Variants in NXPH1 observed in about 807,000 individuals in gnomAD.
The protein encoded by NXPH1 is neurexophilin 1, also known as neurexophilin-1.
Under a neutral mutation model 23.7 loss-of-function variants are expected in NXPH1, and 5 were observed. The ratio of observed to expected loss-of-function variants is 0.21; its 90% CI spans 0.11 to 0.44. The LOEUF is 0.44. Among genes scored for constraint, NXPH1 ranks in the 20% least tolerant of loss-of-function variants. NXPH1 has a pLI of 0.99. For missense variants in NXPH1, 324 were observed against 321.6 expected (o/e 1.01, Z -0.06); for synonymous variants, 144 against 122.2 (o/e 1.18, Z -1.18).
chr7:8,725,542 G>A (rs1780037828), intron 2 of NXPH1, among the ~76,000 whole-genome samples: 1 of 151,486 alleles, frequency 6.6e-6, no homozygotes, highest in Admixed American at 6.6e-5. Context: ...AGTTGGATGT[G>A]TTTTTACCAC....
At chr7:8,450,452 C>T (rs2128605369) in intron 2 of NXPH1, among the ~76,000 whole-genome samples, 1 of 152,346 alleles carries the variant, frequency 6.6e-6, no homozygotes, top group East Asian at 1.9e-4. Flanking sequence ...TCATTGCATT[C>T]TGCATGTGTA....
At chr7:8,549,706 C>T (rs6463818) in intron 2 of NXPH1, among the ~76,000 whole-genome samples, 1 of 151,282 alleles carries the variant, frequency 6.6e-6, no homozygotes, top group Non-Finnish European at 1.5e-5. Context: ...ACCAGAAATG[C>T]TTATAAATGC....
chr7:8,459,665 G>A (rs1307311342), intron 2 of NXPH1, among the ~76,000 whole-genome samples: 1 of 152,080 alleles, frequency 6.6e-6, no homozygotes, highest in Non-Finnish European at 1.5e-5. Context: ...GGGTCCTCAA[G>A]ACTGAAAGAG....
intron 2 of NXPH1, among the ~76,000 whole-genome samples, chr7:8,651,109 C>T (rs1309586435): frequency 1.0e-4 from 15 of 150,072 alleles, no homozygotes; most frequent in African/African-American, 3.7e-4. Context: ...TCTCCCAATG[C>T]TATCCCTCCC....
At chr7:8,554,675 A>T (rs1406100008) in intron 2 of NXPH1, among the ~76,000 whole-genome samples, 1 of 151,690 alleles carries the variant, frequency 6.6e-6, no homozygotes, top group Non-Finnish European at 1.5e-5. Context: ...GTGTTAAAAA[A>T]CAGAACATGG....
At chr7:8,465,326 G>C (rs1816767954) in intron 2 of NXPH1, among the ~76,000 whole-genome samples, 1 of 152,164 alleles carries the variant, frequency 6.6e-6, no homozygotes, top group African/African-American at 2.4e-5. Flanking sequence ...ATTTAGAATA[G>C]TGGAATTTTC....
rs536473258 is a variant in NXPH1 at position 8,534,549 on chromosome 7, A to G, written c.54+98782A>G. On this transcript the variant is annotated intron_variant, in intron 2 of 2. Coordinates refer to ENST00000405863, the MANE Select transcript of NXPH1 (RefSeq NM_152745.3). ...GGAATGAAGGTATTTCATATCTCAT[A>G]TAAAAGCATAGTATGTAAAATAGGG... is the stretch of plus-strand genomic sequence containing the variant. Among the ~76,000 whole-genome samples, 65 of 152,302 alleles carry G rather than the reference A, an allele frequency of 4.3e-4. 1 individual carries two copies. Among genetic ancestry groups the G allele is most frequent in the African/African-American group, 1.5e-3 (62 of 41,588 alleles).
rs568032204 is a variant in NXPH1 at position 8,607,143 on chromosome 7, G to A, written c.55-143865G>A. ...ATAGTAAAATTAACAAAATTAACTCGAAGTTTGAACTTGAACAGTGTGAAA... is the reference window on the plus strand; with the variant it reads ...ATAGTAAAATTAACAAAATTAACTCAAAGTTTGAACTTGAACAGTGTGAAA... On this transcript the variant is annotated intron_variant, in intron 2 of 2. Coordinates refer to ENST00000405863, the MANE Select transcript of NXPH1 (RefSeq NM_152745.3). Among the ~76,000 whole-genome samples, 137 of 152,186 alleles carry A rather than the reference G, an allele frequency of 9.0e-4. 1 individual carries two copies. The highest frequency in any genetic ancestry group is 3.1e-3 in the African/African-American group (130 of 41,536).
At chr7:8,648,131 C>T (rs1408137306) in intron 2 of NXPH1, among the ~76,000 whole-genome samples, 3 of 147,978 alleles carry the variant, frequency 2.0e-5, no homozygotes, top group South Asian at 2.1e-4. Flanking sequence ...GGGTATCCAT[C>T]CCCTCAAGCA....
At chr7:8,703,316 TA>T (rs1383647359) in intron 2 of NXPH1, among the ~76,000 whole-genome samples, 11 of 152,150 alleles carry the variant, frequency 7.2e-5, no homozygotes, top group Admixed American at 2.0e-4. Context: ...ACGTCTGTGC[TA>T]CTTTAGTGTT....
intron 2 of NXPH1, among the ~76,000 whole-genome samples, chr7:8,446,179 T>C (rs1816399579): frequency 6.6e-6 from 1 of 152,222 alleles, no homozygotes; most frequent in Non-Finnish European, 1.5e-5. Context: ...TTCAGTGAAA[T>C]ATTTGATTGT....
At chr7:8,668,735 G>A (rs1342229458) in intron 2 of NXPH1, among the ~76,000 whole-genome samples, 2 of 152,060 alleles carry the variant, frequency 1.3e-5, no homozygotes, top group Admixed American at 1.3e-4. Flanking sequence ...ATAGGGTCTG[G>A]CTTGGTGCTG....
At chr7:8,656,804 T>G (rs1364940098) in intron 2 of NXPH1, among the ~76,000 whole-genome samples, 2 of 152,090 alleles carry the variant, frequency 1.3e-5, no homozygotes, top group African/African-American at 4.8e-5. Flanking sequence ...TTTGGTTTTT[T>G]GTTCTTGCGA....
intron 2 of NXPH1, among the ~76,000 whole-genome samples, chr7:8,455,513 C>T (rs1032979921): frequency 3.3e-5 from 5 of 152,192 alleles, no homozygotes; most frequent in Non-Finnish European, 7.3e-5. Context: ...TATTTCCTAG[C>T]CAGGACATTT....
chr7:8,558,478 C>T (rs1818395228), intron 2 of NXPH1, among the ~76,000 whole-genome samples: 1 of 151,602 alleles, frequency 6.6e-6, no homozygotes, highest in Non-Finnish European at 1.5e-5. Flanking sequence ...GTCTAGGAGA[C>T]ATTGGAGCCA....
chr7:8,527,854 T>C (rs1817889788), intron 2 of NXPH1, among the ~76,000 whole-genome samples: 1 of 152,184 alleles, frequency 6.6e-6, no homozygotes, highest in Admixed American at 6.5e-5. Flanking sequence ...GTGTGAGAGA[T>C]GGGAAAAGAA....
intron 2 of NXPH1, among the ~76,000 whole-genome samples, chr7:8,466,726 T>G (rs1584174009): frequency 6.6e-6 from 1 of 152,324 alleles, no homozygotes; most frequent in East Asian, 1.9e-4. Flanking sequence ...ACTTTATACC[T>G]TGAAGAAACT....
chr7:8,438,290 G>A (rs1816230809), intron 2 of NXPH1, among the ~76,000 whole-genome samples: 1 of 152,216 alleles, frequency 6.6e-6, no homozygotes, highest in South Asian at 2.1e-4. Context: ...TTGATCATTT[G>A]TTTGTAGCTG....
chr7:8,618,054 A>G (rs1819784359), intron 2 of NXPH1, among the ~76,000 whole-genome samples: 1 of 152,106 alleles, frequency 6.6e-6, no homozygotes, highest in African/African-American at 2.4e-5. Context: ...AAACTTCCAG[A>G]TTTGGGGCAT....
Sources: gnomAD v4.1 joint callset for allele counts (sites outside exome capture counted in the v4.1 genomes callset) on GRCh38, gnomAD v4.1.1 for gene constraint, MANE v1.5 for transcripts, NCBI Gene and HGNC (gene_info 2026-07-23, HGNC 2026-07-21) for gene names.